The following ADAM19 variants were observed in gnomAD, a reference collection of about 807,000 sequenced individuals.
ADAM19 encodes the protein disintegrin and metalloproteinase domain-containing protein 19.
ADAM19 carries 65 observed loss-of-function variants against 114.7 expected under a neutral mutation model. The observed-to-expected ratio is 0.57, with a 90% confidence interval of 0.46 to 0.70. The LOEUF (loss-of-function observed/expected upper bound fraction) is 0.70. Ranked by LOEUF, ADAM19 falls within the 30% of genes least tolerant of loss-of-function variation. ADAM19 has a pLI of 0.00. For missense variants in ADAM19, 1,063 were observed against 1,204.7 expected, an observed-to-expected ratio of 0.88 and a Z score of 1.74; for synonymous variants, 466 against 460.5, an observed-to-expected ratio of 1.01 and a Z score of -0.15.
In ADAM19 at chr5:157,480,840, G is replaced by T; in HGVS notation, c.*109C>A. 2 of 1,562,350 alleles carry T rather than the reference G, an allele frequency of 1.3e-6. No homozygotes were observed. ...GAGATGTGGAGGTTCCTGGAGGAGG[G>T]TGGGAGGAGCTCAGAGGCGGCCAGA... is the stretch of plus-strand genomic sequence containing the variant. On this transcript the variant is annotated 3_prime_UTR_variant, in exon 23 of 23. Transcript: ENST00000257527.
intron 9 of ADAM19, among the ~76,000 whole-genome samples, chr5:157,508,645 A>G (rs1052126560): frequency 3.3e-5 from 5 of 152,180 alleles, no homozygotes; most frequent in Non-Finnish European, 1.5e-5. Flanking sequence ...TTTATTATCT[A>G]TATGCCTTTT....
At chr5:157,494,141 ATAG>A (rs1188498843) in intron 15 of ADAM19, among the ~76,000 whole-genome samples, 2 of 151,726 alleles carry the variant, frequency 1.3e-5, no homozygotes, top group Non-Finnish European at 2.9e-5. Flanking sequence ...TCTTCAATAG[ATAG>A]TAGATGGATA....
chr5:157,480,950 T>A lies in ADAM19; in HGVS notation c.2756A>T (p.Ter919LeuextTer67). ...RAGGMISSKI[*>L] The stretch of plus-strand genomic sequence containing the variant: ...AAGGGAGAAGCCCCTTGGACAGGTC[T>A]AGATTTTCGAGCTAATCATCCCTCC... Residue 919 changes from the stop codon to leucine, a stop_lost, in exon 23 of 23, where the codon TAG becomes TTG. Coordinates refer to ENST00000257527, the MANE Select transcript of ADAM19 (RefSeq NM_033274.5). 8 of 1,614,090 alleles carry A rather than the reference T, an allele frequency of 5.0e-6. No individual in the cohort carries two copies. The highest frequency in any genetic ancestry group is 6.8e-6 in the Non-Finnish European group (8 of 1,179,996).
chr5:157,527,998 T>C (rs1370498534), intron 5 of ADAM19, among the ~76,000 whole-genome samples: 2 of 152,094 alleles, frequency 1.3e-5, no homozygotes, highest in African/African-American at 4.8e-5. Context: ...TCCTACCTAT[T>C]TCTCCAATCA....
chr5:157,546,901 CATT>C (rs1168574934), intron 3 of ADAM19, among the ~76,000 whole-genome samples: 1 of 152,208 alleles, frequency 6.6e-6, no homozygotes, highest in East Asian at 1.9e-4. Flanking sequence ...TCAATGATAT[CATT>C]GTTTTCAACA....
intron 1 of ADAM19, among the ~76,000 whole-genome samples, chr5:157,571,639 C>T (rs758665978): frequency 6.6e-6 from 1 of 152,122 alleles, no homozygotes; most frequent in African/African-American, 2.4e-5. Flanking sequence ...GATCACTCTG[C>T]CTGCGTGGTG....
At chr5:157,536,007 A>G (rs1756752742) in intron 4 of ADAM19, among the ~76,000 whole-genome samples, 1 of 152,228 alleles carries the variant, frequency 6.6e-6, no homozygotes, top group Non-Finnish European at 1.5e-5. Context: ...GGGGCATTGA[A>G]GAATATGAAG....
At chr5:157,513,343 TGGGGCAGCCAATCCA>T (rs1755982479) in intron 8 of ADAM19, 76 bp downstream of exon 8, 1 of 1,298,770 alleles carries the variant, frequency 7.7e-7, no homozygotes. Context: ...AGAAGATGGC[TGGGGCAGCCAATCCA>T]GCAGAAGGCA....
chr5:157,498,918 T>C (rs1472898975), intron 13 of ADAM19, among the ~76,000 whole-genome samples: 4 of 152,056 alleles, frequency 2.6e-5, no homozygotes, highest in Non-Finnish European at 5.9e-5. Flanking sequence ...ACCAAATGTG[T>C]TTACATTTTT....
intron 15 of ADAM19, 27 bp from the exon 16 acceptor site, chr5:157,493,204 G>A (rs371026078): frequency 7.2e-5 from 115 of 1,606,702 alleles, no homozygotes; most frequent in Non-Finnish European, 1.6e-5. Flanking sequence ...GAGAGGGAAG[G>A]AAGCGGAATC....
chr5:157,499,394 GC>G (rs746915916), intron 13 of ADAM19, among the ~76,000 whole-genome samples, 178 bp downstream of exon 13: 67 of 152,072 alleles, frequency 4.4e-4, no homozygotes, highest in Non-Finnish European at 7.8e-4. Context: ...ATTCAGTGAG[GC>G]CCAGTATAGG....
chr5:157,527,205 CTT>C lies in ADAM19; in HGVS notation c.407+3600_407+3601del, dbSNP rs1229921423. Among the ~76,000 whole-genome samples, 4 of 151,908 alleles carry C rather than the reference CTT, an allele frequency of 2.6e-5. No individual in the cohort carries two copies. In the South Asian group the frequency reaches 6.3e-4, roughly 24 times the overall value. On this transcript the variant is annotated intron_variant, in intron 5 of 22. Coordinates refer to ENST00000257527, the MANE Select transcript of ADAM19 (RefSeq NM_033274.5). The stretch of plus-strand genomic sequence containing the variant: ...AGAGGGAGCACAAGGGAAACTGACA[CTT>C]TTTTTTGTTTGTTTGTTTTTTGAGA...
chr5:157,503,502 A>C (rs1021626219), intron 11 of ADAM19, among the ~76,000 whole-genome samples: 1 of 152,070 alleles, frequency 6.6e-6, no homozygotes, highest in African/African-American at 2.4e-5. Flanking sequence ...AAAAAAAAAA[A>C]AGAATTCTTT....
intron 6 of ADAM19, 73 bp from the exon 7 acceptor site, chr5:157,518,961 CAG>C: frequency 7.9e-7 from 1 of 1,271,064 alleles, no homozygotes; most frequent in Non-Finnish European, 1.1e-6. Context: ...TGCTAAGAAA[CAG>C]AGCTGCTGGA....
chr5:157,502,787 C>T lies in ADAM19; in HGVS notation c.1308+16G>A, dbSNP rs746421410. On this transcript the variant is annotated intron_variant, in intron 12 of 22. Transcript: ENST00000257527. ...CAAATTCTTCCCCTCCCACTAGCAC[C>T]ATTGTGACCCCTCACCTCTTCTTCT... 6.2e-7 allele frequency: 1 copy of T among 1,611,190 alleles called. No homozygotes were observed. Among genetic ancestry groups the T allele is most frequent in the East Asian group, 2.2e-5 (1 of 44,804 alleles).
chr5:157,538,862 G>A (rs1756838989), intron 3 of ADAM19, among the ~76,000 whole-genome samples: 1 of 152,152 alleles, frequency 6.6e-6, no homozygotes, highest in African/African-American at 2.4e-5. Flanking sequence ...AGGCAGAATT[G>A]ATCTACAGAA....
At chr5:157,547,980 A>G (rs144608237) in intron 3 of ADAM19, among the ~76,000 whole-genome samples, 2,958 of 152,040 alleles carry the variant, frequency 0.019, 49 homozygotes, top group Middle Eastern at 0.051. Flanking sequence ...TGCCTCACCA[A>G]TTTCTTCTCT....
intron 3 of ADAM19, among the ~76,000 whole-genome samples, chr5:157,563,639 T>G (rs1757573797): frequency 6.6e-6 from 1 of 152,080 alleles, no homozygotes; most frequent in Non-Finnish European, 1.5e-5. Flanking sequence ...AAACACCAAA[T>G]GTTTTCAGAG....
At chr5:157,522,877 A>G (rs1756343212) in intron 5 of ADAM19, among the ~76,000 whole-genome samples, 1 of 152,186 alleles carries the variant, frequency 6.6e-6, no homozygotes, top group East Asian at 1.9e-4. Context: ...CTCTCTTCTT[A>G]GGGGTGATTG....
Sources: allele counts gnomAD v4.1 joint callset (sites outside exome capture counted in the v4.1 genomes callset), GRCh38; gene constraint gnomAD v4.1.1; transcripts MANE v1.5; gene names NCBI Gene and HGNC (gene_info 2026-07-23, HGNC 2026-07-21).